CADPS: variants seen among roughly 807,000 people sequenced by gnomAD.
The protein encoded by CADPS is calcium dependent secretion activator.
Under a neutral mutation model 167.3 loss-of-function variants are expected in CADPS, and 57 were observed. That is an observed-to-expected ratio of 0.34 (90% CI 0.28 to 0.42). The LOEUF (loss-of-function observed/expected upper bound fraction) is 0.42. Ranked by LOEUF, CADPS falls within the 20% of genes least tolerant of loss-of-function variation. CADPS has a pLI of 1.00. For missense variants in CADPS, 1,414 were observed against 1,738.1 expected (o/e 0.81, Z 3.32); for synonymous variants, 676 against 635.3 (o/e 1.06, Z -0.96).
intron 13 of CADPS, among the ~76,000 whole-genome samples, chr3:62,522,906 C>A (rs1490517061): frequency 6.6e-6 from 1 of 152,146 alleles, no homozygotes; most frequent in African/African-American, 2.4e-5. Context: ...CACCTGCGGG[C>A]CATCACTGGA....
rs1324470111 is a variant in CADPS, at chr3:62,514,242, A to T, written c.2582-1474T>A. 6.6e-6 allele frequency among the ~76,000 whole-genome samples: 1 copy of T among 152,072 alleles called. No individual in the cohort carries two copies. Among genetic ancestry groups the T allele is most frequent in the African/African-American group, 2.4e-5 (1 of 41,434 alleles). On this transcript the variant is annotated intron_variant, in intron 16 of 29. Coordinates refer to ENST00000383710, the MANE Select transcript of CADPS (RefSeq NM_003716.4). This position sits in a 1 kb window ranked among gnomAD's most constrained non-coding sequence, Gnocchi z 4.2. ...TGGTAGTAATATCTTTCAGGCTGCA[A>T]TGTCTCAGCCTATGGTGGACTATGT...
chr3:62,734,213 T>C lies in CADPS; in HGVS notation c.888+19228A>G, dbSNP rs139302438. ...CATAAATACCACCCAACTGCAGATA[T>C]AGACCAATGCTGCACAAAAGAGCTT... On this transcript the variant is annotated intron_variant, in intron 3 of 29. Transcript: ENST00000383710. Among the ~76,000 whole-genome samples, 162 of 152,298 alleles carry C rather than the reference T, an allele frequency of 1.1e-3. 3 individuals carry two copies. In the East Asian group the frequency reaches 0.024, roughly 23 times the overall value.
chr3:62,403,961 A>T (rs1707384492), intron 28 of CADPS: 1 of 152,230 alleles, frequency 6.6e-6, no homozygotes, highest in Admixed American at 6.5e-5. Flanking sequence ...AAGCTGTGTC[A>T]CTTTAGACTG....
chr3:62,488,720 C>T (rs996843995), intron 21 of CADPS, among the ~76,000 whole-genome samples: 1 of 151,978 alleles, frequency 6.6e-6, no homozygotes, highest in Non-Finnish European at 1.5e-5. Context: ...GAACTCCTGG[C>T]CTCAGGTGAT....
chr3:62,821,303 T>A (rs994025643), intron 1 of CADPS, among the ~76,000 whole-genome samples: 4 of 150,810 alleles, frequency 2.7e-5, no homozygotes, highest in Admixed American at 2.0e-4. Context: ...TGCTTTAGAG[T>A]CTCTGTGTTG....
Position 62,874,765 on chromosome 3 carries a change from G to T in CADPS, c.265C>A (p.Pro89Thr). The change falls in exon 1 of 30, where the codon CCC becomes ACC. Residue 89 changes from proline to threonine, a missense_variant. Physicochemically the swap from Pro to Thr is conservative, Grantham distance 38. Transcript: ENST00000383710. The surrounding 1 kb of genome is among the most constrained non-coding windows in gnomAD (Gnocchi z 7.1). ...ACCACCGACGGGCTGGGGCTGGAGG[G>T]CCGGCCGCCGCCAGCGCGGCTGCTG... ...QPSSRAGGGR[P>T]SSPSPSVVSE... 4 of 1,439,710 alleles carry T rather than the reference G, an allele frequency of 2.8e-6. No individual in the cohort carries two copies. The highest frequency in any genetic ancestry group is 3.8e-6 in the Non-Finnish European group (4 of 1,060,608). 89.2% of individuals were successfully genotyped at this position (1,439,710 alleles called of 1,614,324 possible). A position where few individuals can be genotyped will look rare whatever the true frequency, so the allele number is the denominator to read the frequency against.
Position 62,592,735 on chromosome 3 carries a change from C to A in CADPS, c.1339G>T (p.Gly447Cys). The change falls in exon 7 of 30, where the codon GGT (glycine) becomes TGT (cysteine). Residue 447 changes from glycine (G) to cysteine (C), a missense_variant. Gly to Cys is a radical substitution (Grantham distance 159, BLOSUM62 -3). Around this residue, in one of 6 missense-constraint regions of CADPS, gnomAD observed 157 missense variants for 229.4 expected, o/e 0.68. Transcript: ENST00000383710. ...AGTGCATGGGTTGTGGAGAAGTCAC[C>A]CTGGGTGCCCCAGCTGCAGACAGAA... ...EASKPTWGTQ[G>C]DFSTTHALPA... 6.2e-7 allele frequency: 1 copy of A among 1,613,744 alleles called. No individual in the cohort carries two copies. The highest frequency in any genetic ancestry group is 1.6e-4 in the Middle Eastern group (1 of 6,062).
chr3:62,464,005 G>A (rs1284608289), intron 26 of CADPS, among the ~76,000 whole-genome samples: 1 of 152,158 alleles, frequency 6.6e-6, no homozygotes, highest in African/African-American at 2.4e-5. Flanking sequence ...GGCATATTTG[G>A]AAAGAAGTTG....
chr3:62,813,493 C>A (rs2094478792), intron 1 of CADPS, among the ~76,000 whole-genome samples: 1 of 151,948 alleles, frequency 6.6e-6, no homozygotes, highest in Non-Finnish European at 1.5e-5. Context: ...AACTGTAAGT[C>A]CTAAAATTAT....
chr3:62,651,794 C>T (rs1200264390), intron 4 of CADPS, among the ~76,000 whole-genome samples: 2 of 152,170 alleles, frequency 1.3e-5, no homozygotes, highest in African/African-American at 4.8e-5. Flanking sequence ...TTGGATCAAT[C>T]ACCTTCCCAA....
intron 6 of CADPS, among the ~76,000 whole-genome samples, chr3:62,606,935 G>A (rs933788709): frequency 4.6e-5 from 7 of 152,208 alleles, no homozygotes; most frequent in Admixed American, 6.5e-5. Context: ...AGCTGAGCCT[G>A]GCATGGATCA....
intron 6 of CADPS, among the ~76,000 whole-genome samples, chr3:62,600,721 A>G (rs1201461952): frequency 6.6e-6 from 1 of 152,204 alleles, no homozygotes; most frequent in East Asian, 1.9e-4. Context: ...TGGATATTAC[A>G]TTATTTTGGG....
chr3:62,601,035 A>G lies in CADPS; in HGVS notation c.1326-8287T>C, dbSNP rs902183961. Among the ~76,000 whole-genome samples, 5 of 152,154 alleles carry G rather than the reference A, an allele frequency of 3.3e-5. No individual in the cohort carries two copies. Among genetic ancestry groups the G allele is most frequent in the Admixed American group, 3.3e-4 (5 of 15,268 alleles). On this transcript the variant is annotated intron_variant, in intron 6 of 29. Transcript: ENST00000383710. The surrounding 1 kb of genome is among the most constrained non-coding windows in gnomAD (Gnocchi z 4.3). ...ATAAGCTATTGGATATGTGGTGTTT[A>G]CCTCAATACGTGGCACATAGAAAGC...
chr3:62,651,175 T>TCTA (rs1265072102), intron 4 of CADPS, 95 bp from the exon 5 acceptor site: 2 of 815,006 alleles, frequency 2.5e-6, no homozygotes, highest in Admixed American at 2.4e-5. Context: ...TAGAATCACA[T>TCTA]CTACTACTAG....
intron 3 of CADPS, among the ~76,000 whole-genome samples, chr3:62,676,443 T>C (rs889289459): frequency 6.6e-6 from 1 of 152,144 alleles, no homozygotes; most frequent in Non-Finnish European, 1.5e-5. Flanking sequence ...ATTCAACCTG[T>C]AATGGTCATC....
chr3:62,713,821 G>T (rs1251075609), intron 3 of CADPS, among the ~76,000 whole-genome samples: 1 of 152,210 alleles, frequency 6.6e-6, no homozygotes, highest in East Asian at 1.9e-4. Context: ...CACTCTCCAG[G>T]GACTTGGAAT....
intron 1 of CADPS, among the ~76,000 whole-genome samples, chr3:62,790,656 C>T (rs750178889): frequency 6.6e-5 from 10 of 152,164 alleles, no homozygotes; most frequent in Non-Finnish European, 1.5e-4. Context: ...CCTTCCTTTA[C>T]CCATCTATAA....
At chr3:62,696,052 G>A (rs1161747564) in intron 3 of CADPS, among the ~76,000 whole-genome samples, 1 of 152,114 alleles carries the variant, frequency 6.6e-6, no homozygotes, top group Non-Finnish European at 1.5e-5. Context: ...AGGGGGCCAA[G>A]GGCCTTGACC....
intron 6 of CADPS, chr3:62,625,979 C>T (rs957549338): frequency 6.6e-6 from 1 of 151,166 alleles, no homozygotes; most frequent in Non-Finnish European, 1.5e-5. Flanking sequence ...TAGTGTTTTA[C>T]ACCTTGTAGA....
Sources: gnomAD v4.1 joint callset for allele counts (sites outside exome capture counted in the v4.1 genomes callset) on GRCh38, gnomAD v4.1.1 for gene constraint, gnomAD v4.1.1 regional missense constraint, Gnocchi (gnomAD v3.1) non-coding constraint, MANE v1.5 for transcripts, NCBI Gene and HGNC (gene_info 2026-07-23, HGNC 2026-07-21) for gene names.